PTPRN2: variants seen among roughly 807,000 people sequenced by gnomAD.
PTPRN2 encodes the protein receptor-type tyrosine-protein phosphatase N2.
Under a neutral mutation model 118.8 loss-of-function variants are expected in PTPRN2, and 74 were observed. That is an observed-to-expected ratio of 0.62 (90% CI 0.52 to 0.76). The LOEUF is 0.76. Ranked by LOEUF, PTPRN2 falls within the 30% of genes least tolerant of loss-of-function variation. PTPRN2 has a pLI of 0.00. For missense variants in PTPRN2, 1,481 were observed against 1,394.4 expected (o/e 1.06, Z -0.99); for synonymous variants, 641 against 608.0 (o/e 1.05, Z -0.80).
At chr7:158,164,077 G>A (rs1051790133) in intron 6 of PTPRN2, among the ~76,000 whole-genome samples, 9 of 152,218 alleles carry the variant, frequency 5.9e-5, no homozygotes, top group South Asian at 4.1e-4. Flanking sequence ...TGTGTAACTC[G>A]TAGGGATCAC....
chr7:158,136,858 C>T (rs138489388), intron 7 of PTPRN2, among the ~76,000 whole-genome samples, 163 bp from the exon 8 acceptor site: 8 of 152,336 alleles, frequency 5.3e-5, no homozygotes, highest in Non-Finnish European at 2.9e-5. Context: ...GTTTATAGCA[C>T]AAAATGGCAT....
At chr7:158,447,795 C>T (rs544798634) in intron 2 of PTPRN2, among the ~76,000 whole-genome samples, 13 of 152,350 alleles carry the variant, frequency 8.5e-5, no homozygotes, top group East Asian at 5.8e-4. Flanking sequence ...TGCCGGGGTA[C>T]GAGCACCAGC....
intron 3 of PTPRN2, among the ~76,000 whole-genome samples, chr7:158,219,724 A>G (rs2150788213): frequency 6.6e-6 from 1 of 152,140 alleles, no homozygotes; most frequent in East Asian, 1.9e-4. Context: ...ATATTACAAG[A>G]AAACCTTTTA....
At position 157,968,384 on chromosome 7, in the gene PTPRN2, T is replaced by C. The variant is rs545534243; in HGVS notation, c.1724-69647A>G. On this transcript the variant is annotated intron_variant, in intron 11 of 22. Transcript: ENST00000389418. ...GTGATGCCTGTGCTGACTGGCATCG[T>C]CTGCAGTAAGTGAGGAGGGCACAGA... 1.5e-4 allele frequency among the ~76,000 whole-genome samples: 23 copies of C among 152,296 alleles called. No individual in the cohort carries two copies. In the East Asian group the frequency reaches 3.7e-3, roughly 24 times the overall value.
rs1219204232 is a variant in PTPRN2 at position 158,457,523 on chromosome 7, CT to C, written c.163+32211del. ...CCAAACCTCCCTCTCCAGGGCGAGCCTGGCCTGGGGGGAGTCACAGTAAAGC... is the reference window on the plus strand; with the variant it reads ...CCAAACCTCCCTCTCCAGGGCGAGCCGGCCTGGGGGGAGTCACAGTAAAGC... On this transcript the variant is annotated intron_variant, in intron 2 of 22. Coordinates refer to ENST00000389418, the MANE Select transcript of PTPRN2 (RefSeq NM_002847.5). 4.0e-5 allele frequency among the ~76,000 whole-genome samples: 6 copies of C among 148,606 alleles called. 1 individual carries two copies. The highest frequency in any genetic ancestry group is 1.5e-4 in the African/African-American group (6 of 40,034).
At chr7:158,206,542 C>T (rs1296808458) in intron 3 of PTPRN2, among the ~76,000 whole-genome samples, 1 of 152,080 alleles carries the variant, frequency 6.6e-6, no homozygotes, top group Admixed American at 6.5e-5. Flanking sequence ...TGTCACCCGT[C>T]ACCCAGCTCC....
intron 12 of PTPRN2, among the ~76,000 whole-genome samples, chr7:157,805,288 C>CGTGTGTGTGTGT (rs1055236058): frequency 1.1e-5 from 1 of 89,764 alleles, no homozygotes; most frequent in Non-Finnish European, 2.1e-5. Flanking sequence ...TATATATACT[C>CGTGTGTGTGTGT]CTGTGTGTGT....
chr7:157,563,733 C>T (rs1325300497), intron 21 of PTPRN2, among the ~76,000 whole-genome samples: 3 of 146,436 alleles, frequency 2.0e-5, no homozygotes, highest in Non-Finnish European at 4.5e-5. Flanking sequence ...AGATCAGGAC[C>T]ACGTGCTCCC....
intron 11 of PTPRN2, among the ~76,000 whole-genome samples, chr7:158,071,089 G>C (rs1370886868): frequency 2.4e-4 from 19 of 80,206 alleles, no homozygotes; most frequent in African/African-American, 3.7e-4. Flanking sequence ...AGGTGCCCGT[G>C]GTGGTGGAGG....
intron 3 of PTPRN2, among the ~76,000 whole-genome samples, chr7:158,267,250 C>T (rs1301031336): frequency 6.6e-6 from 1 of 152,222 alleles, no homozygotes; most frequent in African/African-American, 2.4e-5. Context: ...ACTGTGAGCA[C>T]ACGGGATGAT....
chr7:157,784,203 C>T lies in PTPRN2; in HGVS notation c.1789-101266G>A, dbSNP rs1041160182. On this transcript the variant is annotated intron_variant, in intron 12 of 22. Coordinates refer to ENST00000389418, the MANE Select transcript of PTPRN2 (RefSeq NM_002847.5). This position sits in a 1 kb window ranked among gnomAD's most constrained non-coding sequence, Gnocchi z 4.6. ...AGGGACCAATCTTACCACGTGGCTT[C>T]TGGCCCAGAGCAGCTCGTGAGTCAG... 6.6e-6 allele frequency among the ~76,000 whole-genome samples: 1 copy of T among 152,150 alleles called. No homozygotes were observed. Among genetic ancestry groups the T allele is most frequent in the Non-Finnish European group, 1.5e-5 (1 of 68,022 alleles).
In PTPRN2 at chr7:157,656,456, G is replaced by A. The variant is rs1035883740; in HGVS notation, c.2097C>T (p.Asp699=). 9.0e-6 allele frequency: 14 copies of A among 1,554,158 alleles called. No individual in the cohort carries two copies. The highest frequency in any genetic ancestry group is 3.9e-5 in the Admixed American group (2 of 51,872). The change falls in exon 14 of 23, where the codon GAC becomes GAT. Residue 699 remains aspartate (D), a synonymous_variant. Coordinates refer to ENST00000389418, the MANE Select transcript of PTPRN2 (RefSeq NM_002847.5). ...GTGCGGAGGGGCTGGGGATCGGCCCGTCGCTGAACTGGGATGAGACGCTGC... is the reference window on the plus strand; with the variant it reads ...GTGCGGAGGGGCTGGGGATCGGCCCATCGCTGAACTGGGATGAGACGCTGC... ...RISSVSSQFS[D]GPIPSPSARS...
intron 3 of PTPRN2, among the ~76,000 whole-genome samples, chr7:158,313,380 C>T (rs535393053): frequency 6.6e-6 from 1 of 152,324 alleles, no homozygotes; most frequent in South Asian, 2.1e-4. Context: ...CCCCACAATG[C>T]AGAAGATGAC....
At chr7:158,161,470 G>A (rs535814185) in intron 6 of PTPRN2, among the ~76,000 whole-genome samples, 1 of 152,274 alleles carries the variant, frequency 6.6e-6, no homozygotes, top group South Asian at 2.1e-4. Context: ...AAGGAGCAAA[G>A]GTGATGCTAT....
Position 158,015,488 on chromosome 7 carries a change from G to T in PTPRN2, c.1723+65810C>A, listed in dbSNP as rs74902100. Among the ~76,000 whole-genome samples, 20,237 of 149,814 alleles carry T rather than the reference G, an allele frequency of 0.14. 1,302 individuals carry two copies. The highest frequency in any genetic ancestry group is 0.16 in the Admixed American group (2,390 of 14,998). ...GAGAGAGAGGAAGAGAGGGAGAGAG[G>T]GAGAGAGGGAGATAGAGGGAGGGGT... On this transcript the variant is annotated intron_variant, in intron 11 of 22. Transcript: ENST00000389418. The surrounding 1 kb of genome is among the most constrained non-coding windows in gnomAD (Gnocchi z 4.2).
rs558754028 is a variant in PTPRN2 at position 158,157,639 on chromosome 7, G to A, written c.910+9292C>T. Reference sequence around the variant, plus strand: ...CCGAGGCTGCCAGCCACACACGGCCGCTGCCACCCCGCACTGGGCGCATCC... The same window carrying A: ...CCGAGGCTGCCAGCCACACACGGCCACTGCCACCCCGCACTGGGCGCATCC... On this transcript the variant is annotated intron_variant, in intron 6 of 22. Coordinates refer to ENST00000389418, the MANE Select transcript of PTPRN2 (RefSeq NM_002847.5). Among the ~76,000 whole-genome samples, 308 of 152,356 alleles carry A rather than the reference G, an allele frequency of 2.0e-3. 1 individual carries two copies. The highest frequency in any genetic ancestry group is 3.8e-3 in the Non-Finnish European group (260 of 68,034).
At chr7:157,743,413 C>A (rs1800748796) in intron 12 of PTPRN2, among the ~76,000 whole-genome samples, 1 of 152,198 alleles carries the variant, frequency 6.6e-6, no homozygotes, top group Non-Finnish European at 1.5e-5. Context: ...ATGCTTAGGG[C>A]CTAAGAATTA....
intron 11 of PTPRN2, among the ~76,000 whole-genome samples, chr7:157,912,679 G>A (rs1798166691): frequency 2.0e-5 from 3 of 152,124 alleles, no homozygotes; most frequent in Non-Finnish European, 4.4e-5. Context: ...ATTTTTGTAT[G>A]TGATTCAAGG....
intron 21 of PTPRN2, among the ~76,000 whole-genome samples, chr7:157,565,920 G>C (rs1440141784): frequency 1.3e-5 from 2 of 152,202 alleles, no homozygotes; most frequent in East Asian, 3.8e-4. Context: ...TCCCAGATTG[G>C]TGCCTACTTT....
Sources: allele counts gnomAD v4.1 joint callset (sites outside exome capture counted in the v4.1 genomes callset), GRCh38; gene constraint gnomAD v4.1.1; non-coding constraint Gnocchi (gnomAD v3.1); transcripts MANE v1.5; gene names NCBI Gene and HGNC (gene_info 2026-07-23, HGNC 2026-07-21).